MUC7: variants seen among roughly 807,000 people sequenced by gnomAD.
MUC7 encodes the protein mucin 7, secreted, also known as mucin-7.
A neutral mutation model predicts 2.5 loss-of-function variants in MUC7; 2 were observed. That is an observed-to-expected ratio of 0.81 (90% CI 0.33 to 2.55). The LOEUF (loss-of-function observed/expected upper bound fraction) is 2.55. Among genes scored for constraint, MUC7 ranks in the 30% most tolerant of loss-of-function variants. The pLI, the probability that MUC7 is intolerant of heterozygous loss-of-function variation, is 0.11. For synonymous variants in MUC7, 133 were observed against 173.4 expected, an observed-to-expected ratio of 0.77 and a Z score of 1.83; for missense variants, 408 against 455.6, an observed-to-expected ratio of 0.90 and a Z score of 0.95.
chr4:70,461,974 C>G (rs773666063), intron 1 of MUC7, among the ~76,000 whole-genome samples: 1 of 152,170 alleles, frequency 6.6e-6, no homozygotes, highest in African/African-American at 2.4e-5. Context: ...CACTTTGAGA[C>G]GCCAAGGCAG....
chr4:70,475,511 A>C (rs1734973045), intron 2 of MUC7, among the ~76,000 whole-genome samples: 1 of 152,302 alleles, frequency 6.6e-6, no homozygotes, highest in South Asian at 2.1e-4. Flanking sequence ...ATATGGATAG[A>C]GAAAATGGAG....
intron 1 of MUC7, among the ~76,000 whole-genome samples, chr4:70,472,963 T>C (rs535023404): frequency 6.6e-6 from 1 of 152,296 alleles, no homozygotes; most frequent in South Asian, 2.1e-4. Flanking sequence ...ATAACCAAAA[T>C]GAGAAAAACA....
intron 1 of MUC7, among the ~76,000 whole-genome samples, chr4:70,444,252 T>G (rs1734073379): frequency 6.6e-6 from 1 of 152,196 alleles, no homozygotes; most frequent in African/African-American, 2.4e-5. Flanking sequence ...TTTGATGCTT[T>G]AAACCCATCA....
At chr4:70,450,856 C>A (rs1235841148) in intron 1 of MUC7, among the ~76,000 whole-genome samples, 2 of 152,142 alleles carry the variant, frequency 1.3e-5, no homozygotes, top group East Asian at 3.9e-4. Flanking sequence ...TTCCCTTTCT[C>A]TCCTTAAATG....
At chr4:70,452,972 G>A (rs2109717052) in intron 1 of MUC7, among the ~76,000 whole-genome samples, 1 of 152,234 alleles carries the variant, frequency 6.6e-6, no homozygotes, top group African/African-American at 2.4e-5. Flanking sequence ...ACTATTCTAG[G>A]TTAAAAGTGT....
intron 2 of MUC7, among the ~76,000 whole-genome samples, chr4:70,476,777 A>C (rs1299217997): frequency 6.6e-6 from 1 of 152,112 alleles, no homozygotes; most frequent in East Asian, 1.9e-4. Context: ...ACAGAGCGAG[A>C]CTCCGTCTCA....
chr4:70,463,177 C>T (rs1434898880), intron 1 of MUC7, among the ~76,000 whole-genome samples: 1 of 148,834 alleles, frequency 6.7e-6, no homozygotes, highest in Non-Finnish European at 1.5e-5. Flanking sequence ...TTTAGTAATA[C>T]CAGAAGATAC....
intron 1 of MUC7, among the ~76,000 whole-genome samples, chr4:70,465,591 C>T (rs749011792): frequency 1.2e-4 from 18 of 152,006 alleles, no homozygotes; most frequent in Admixed American, 5.2e-4. Flanking sequence ...ACGAGAACTT[C>T]GTGAAGCATA....
At chr4:70,434,917 C>T (rs373406469) in intron 1 of MUC7, among the ~76,000 whole-genome samples, 3 of 152,088 alleles carry the variant, frequency 2.0e-5, no homozygotes, top group South Asian at 2.1e-4. Context: ...TCTTTGTTCT[C>T]GTTGGTTTCA....
At chr4:70,467,690 C>A (rs1173030275), upstream of MUC7, among the ~76,000 whole-genome samples, 2 of 152,112 alleles carry the variant, frequency 1.3e-5, no homozygotes, top group African/African-American at 2.4e-5. Flanking sequence ...GACATATACA[C>A]CCTCCAAAGA....
In MUC7 at chr4:70,481,403, C is replaced by A. The variant is rs1735176579; in HGVS notation, c.659C>A (p.Ala220Glu). ...ETTAAPPTPP[A>E]TTPAPPSSSA... ...ACAGCTGCCCCACCCACACCTCCTG[C>A]AACTACACCAGCTCCACCATCTTCC... The change falls in exon 3 of 3, where the codon GCA (alanine) becomes GAA (glutamate). Residue 220 changes from alanine to glutamate, a missense_variant. Ala to Glu is a moderately radical substitution (Grantham distance 107). Around this residue, in one of 3 missense-constraint regions of MUC7, gnomAD observed 8 missense variants for 28.0 expected, o/e 0.29. Transcript: ENST00000304887. The A allele has an allele frequency of 6.2e-7, 1 of 1,612,262 alleles. No homozygotes were observed. Among genetic ancestry groups the A allele is most frequent in the East Asian group, 2.2e-5 (1 of 44,758 alleles).
chr4:70,450,720 A>G (rs1577903413), intron 1 of MUC7, among the ~76,000 whole-genome samples: 1 of 152,112 alleles, frequency 6.6e-6, no homozygotes, highest in South Asian at 2.1e-4. Flanking sequence ...CTTCTGGCCC[A>G]GAGTGTGTCA....
intron 1 of MUC7, among the ~76,000 whole-genome samples, chr4:70,442,519 A>G (rs4507439): frequency 0.84 from 128,192 of 152,090 alleles, 54,188 homozygotes; most frequent in Middle Eastern, 0.9. Context: ...TTTCCCCTCC[A>G]GCCTAGGGGT....
intron 1 of MUC7, among the ~76,000 whole-genome samples, chr4:70,444,270 C>T (rs1734074041): frequency 6.6e-6 from 1 of 152,212 alleles, no homozygotes; most frequent in Non-Finnish European, 1.5e-5. Flanking sequence ...TCAGCTTCCA[C>T]ACCTGCTTCC....
chr4:70,445,812 A>G (rs1431628468), intron 1 of MUC7, among the ~76,000 whole-genome samples: 1 of 152,244 alleles, frequency 6.6e-6, no homozygotes, highest in African/African-American at 2.4e-5. Context: ...TATTCCAGCA[A>G]TCTGACTCAC....
intron 2 of MUC7, among the ~76,000 whole-genome samples, chr4:70,480,198 T>A (rs1360233654): frequency 6.6e-6 from 1 of 152,234 alleles, no homozygotes; most frequent in African/African-American, 2.4e-5. Flanking sequence ...TAATTCTAAT[T>A]TTTTAAACAA....
At chr4:70,445,329 T>C (rs569107176) in intron 1 of MUC7, among the ~76,000 whole-genome samples, 1 of 152,302 alleles carries the variant, frequency 6.6e-6, no homozygotes, top group South Asian at 2.1e-4. Flanking sequence ...AGCTGGTATA[T>C]TAAACAAAAC....
At chr4:70,431,515 C>T (rs540411147) in intron 1 of MUC7, among the ~76,000 whole-genome samples, 180 of 152,094 alleles carry the variant, frequency 1.2e-3, no homozygotes, top group Non-Finnish European at 2.1e-3. Context: ...GAATATACAA[C>T]TATTCTAGAA....
intron 1 of MUC7, among the ~76,000 whole-genome samples, chr4:70,450,093 T>A (rs991092087): frequency 1.3e-5 from 2 of 152,206 alleles, no homozygotes; most frequent in African/African-American, 4.8e-5. Flanking sequence ...GGAGTCATGG[T>A]CTAGAGTAGA....
Sources: gnomAD v4.1 joint callset for allele counts (sites outside exome capture counted in the v4.1 genomes callset) on GRCh38, gnomAD v4.1.1 for gene constraint, gnomAD v4.1.1 regional missense constraint, MANE v1.5 for transcripts, NCBI Gene and HGNC (gene_info 2026-07-23, HGNC 2026-07-21) for gene names.